HDAC9: variants seen among roughly 807,000 people sequenced by gnomAD.
The protein encoded by HDAC9 is MEF-2 interacting transcription repressor (MITR) protein.
A neutral mutation model predicts 139.4 loss-of-function variants in HDAC9; 41 were observed. The observed-to-expected ratio is 0.29, with a 90% confidence interval of 0.23 to 0.38. HDAC9 has a LOEUF of 0.38. Among genes scored for constraint, HDAC9 ranks in the 10% least tolerant of loss-of-function variants. The pLI is 1.00. For synonymous variants in HDAC9, 517 were observed against 476.2 expected, an observed-to-expected ratio of 1.09 and a Z score of -1.12; for missense variants, 1,147 against 1,297.0, an observed-to-expected ratio of 0.88 and a Z score of 1.78.
intron 17 of HDAC9, among the ~76,000 whole-genome samples, chr7:18,813,530 A>T (rs114263300): frequency 0.018 from 2,801 of 152,196 alleles, 92 homozygotes; most frequent in African/African-American, 0.063. Flanking sequence ...GGGCACATTT[A>T]TTTATTTATC....
In HDAC9 at chr7:18,359,653, G is replaced by A. The variant is rs141996366; in HGVS notation, c.-42+69138G>A. On this transcript the variant is annotated intron_variant, in intron 1 of 3. Transcript: ENST00000413509. ...AGATGGAATCTCATTCTGTCACCCA[G>A]GCTGGAGTGCAGTGGCACACTCTCA... Among the ~76,000 whole-genome samples, 844 of 152,246 alleles carry A rather than the reference G, an allele frequency of 5.5e-3. 6 individuals are homozygous for A. The highest frequency in any genetic ancestry group is 0.019 in the African/African-American group (798 of 41,536).
chr7:18,861,891 C>T (rs539361533), intron 21 of HDAC9, among the ~76,000 whole-genome samples: 13 of 152,176 alleles, frequency 8.5e-5, no homozygotes, highest in Admixed American at 2.0e-4. Context: ...TGATATATTG[C>T]GTTACATTAT....
chr7:18,665,385 A>G (rs1040639547), intron 11 of HDAC9, among the ~76,000 whole-genome samples: 3 of 152,076 alleles, frequency 2.0e-5, no homozygotes, highest in African/African-American at 7.2e-5. Flanking sequence ...CCATTTATTG[A>G]GCTTTCATGT....
intron 2 of HDAC9, among the ~76,000 whole-genome samples, chr7:18,228,295 CTT>C (rs5882649): frequency 2.7e-5 from 4 of 146,592 alleles, no homozygotes; most frequent in Admixed American, 6.9e-5. Context: ...AGTAGATAAC[CTT>C]TTTTTTTTTT....
intron 24 of HDAC9, among the ~76,000 whole-genome samples, chr7:18,972,008 C>G (rs1320250841): frequency 1.3e-5 from 2 of 152,154 alleles, no homozygotes; most frequent in Non-Finnish European, 2.9e-5. Context: ...CTAGACCTCT[C>G]CTGTTGAGAA....
At chr7:18,383,814 G>A (rs1271551402) in intron 1 of HDAC9, among the ~76,000 whole-genome samples, 13 of 151,198 alleles carry the variant, frequency 8.6e-5, no homozygotes, top group Non-Finnish European at 1.9e-4. Context: ...GCGTGAACCC[G>A]GGAGGCGGAG....
intron 22 of HDAC9, among the ~76,000 whole-genome samples, chr7:18,880,208 G>A (rs748356146): frequency 3.9e-5 from 6 of 152,120 alleles, no homozygotes; most frequent in Non-Finnish European, 8.8e-5. Flanking sequence ...CACTGTTGGT[G>A]GGAATGTAAA....
intron 8 of HDAC9, among the ~76,000 whole-genome samples, chr7:18,639,491 A>G (rs186308621): frequency 6.6e-6 from 1 of 152,172 alleles, no homozygotes; most frequent in East Asian, 1.9e-4. Context: ...TTGGTCTCAC[A>G]ATATGTCTCA....
intron 24 of HDAC9, among the ~76,000 whole-genome samples, chr7:18,973,135 A>T (rs916995272): frequency 1.3e-5 from 2 of 152,206 alleles, no homozygotes; most frequent in Admixed American, 6.5e-5. Flanking sequence ...ACATTGCCTA[A>T]ATAGTTGTCA....
At chr7:18,606,335 T>C (rs1336894175) in intron 6 of HDAC9, among the ~76,000 whole-genome samples, 1 of 152,208 alleles carries the variant, frequency 6.6e-6, no homozygotes, top group East Asian at 1.9e-4. Context: ...TGTAAAACAT[T>C]AAAAATACTT....
Position 18,104,245 on chromosome 7 carries a change from AT to A in HDAC9, c.-97+17043del, listed in dbSNP as rs10553931. ...TGCTGTACATTGTTCCCATAATTGTATTTTTTTTTTTGTTTATAAGACACAT... is the reference window on the plus strand; with the variant it reads ...TGCTGTACATTGTTCCCATAATTGTATTTTTTTTTTGTTTATAAGACACAT... On this transcript the variant is annotated intron_variant, in intron 1 of 12. Coordinates refer to the HDAC9 transcript ENST00000417496. 6.4e-3 allele frequency among the ~76,000 whole-genome samples: 958 copies of A among 149,984 alleles called. 9 individuals carry two copies. Among genetic ancestry groups the A allele is most frequent in the African/African-American group, 0.021 (843 of 40,630 alleles).
intron 17 of HDAC9, among the ~76,000 whole-genome samples, chr7:18,800,336 T>G (rs1793179335): frequency 6.6e-6 from 1 of 152,226 alleles, no homozygotes; most frequent in African/African-American, 2.4e-5. Flanking sequence ...TCACTAGATC[T>G]TGACATTTTC....
At chr7:18,558,710 A>G (rs114638359) in intron 2 of HDAC9, among the ~76,000 whole-genome samples, 2,997 of 152,298 alleles carry the variant, frequency 0.02, 108 homozygotes, top group African/African-American at 0.068. Flanking sequence ...CCACTTGAGC[A>G]CGAACTTTTC....
intron 2 of HDAC9, among the ~76,000 whole-genome samples, chr7:18,225,778 C>G (rs916831164): frequency 1.3e-5 from 2 of 152,012 alleles, no homozygotes; most frequent in African/African-American, 4.8e-5. Context: ...TTCATTTTAT[C>G]AAAGGGAAAA....
rs76300148 is a variant in HDAC9 at position 18,299,939 on chromosome 7, A to C, written c.-42+9424A>C. Among the ~76,000 whole-genome samples the C allele has an allele frequency of 6.8e-3, 1,029 of 152,306 alleles. 8 individuals carry two copies. The highest frequency in any genetic ancestry group is 0.024 in the African/African-American group (985 of 41,562). ...AGGCTTCTCAAGAGACTGTCATGAC[A>C]AGCAAGATATTCTTTATTATCTCCT... On this transcript the variant is annotated intron_variant, in intron 1 of 3. Transcript: ENST00000413509.
chr7:18,674,915 T>C (rs1221437406), intron 12 of HDAC9, among the ~76,000 whole-genome samples: 1 of 152,036 alleles, frequency 6.6e-6, no homozygotes, highest in Non-Finnish European at 1.5e-5. Context: ...TATTAATTTT[T>C]ATAATTTATA....
chr7:18,568,030 A>G lies in HDAC9; in HGVS notation c.23-17251A>G, dbSNP rs1424895349. Reference sequence around the variant, plus strand: ...ACATACAGGATATATGTATATGTATATATATATATATATATATATATATGT... The same window carrying G: ...ACATACAGGATATATGTATATGTATGTATATATATATATATATATATATGT... On this transcript the variant is annotated intron_variant, in intron 2 of 25. Transcript: ENST00000686413. Among the ~76,000 whole-genome samples the G allele has an allele frequency of 4.8e-4, 44 of 92,082 alleles. 2 individuals carry two copies. Among genetic ancestry groups the G allele is most frequent in the Admixed American group, 1.2e-3 (11 of 9,346 alleles). 60.4% of individuals were successfully genotyped at this position (92,082 alleles called of 152,430 possible).
rs530987886 is a variant in HDAC9 at position 18,533,879 on chromosome 7, T to C, written c.22+37555T>C. Among the ~76,000 whole-genome samples, 11 of 152,336 alleles carry C rather than the reference T, an allele frequency of 7.2e-5. No homozygotes were observed. In the South Asian group the frequency reaches 2.3e-3, roughly 32 times the overall value. The stretch of plus-strand genomic sequence containing the variant: ...AGTTCACTTTGTCTTCAAGAACATT[T>C]AGTGACATTTTAATTTAAGTTACTG... On this transcript the variant is annotated intron_variant, in intron 2 of 25. Coordinates refer to ENST00000686413, the MANE Select transcript of HDAC9 (RefSeq NM_178425.4).
chr7:18,584,135 G>A (rs972838536), intron 2 of HDAC9, among the ~76,000 whole-genome samples: 4 of 109,858 alleles, frequency 3.6e-5, no homozygotes, highest in Non-Finnish European at 5.8e-5. Flanking sequence ...TTAGAAAGCA[G>A]CATTCTTTTT....
Sources: allele counts gnomAD v4.1 joint callset (sites outside exome capture counted in the v4.1 genomes callset), GRCh38; gene constraint gnomAD v4.1.1; transcripts MANE v1.5; gene names NCBI Gene and HGNC (gene_info 2026-07-23, HGNC 2026-07-21).